The following MUCL1 variants were observed in gnomAD, a reference collection of about 807,000 sequenced individuals.
MUCL1 encodes mucin-like protein 1.
MUCL1 carries 11 observed loss-of-function variants against 9.2 expected under a neutral mutation model. The observed-to-expected ratio is 1.19, with a 90% CI of 0.75 to 1.97. The LOEUF is 1.97. MUCL1 is among the 30% of genes most tolerant of loss of function. The pLI, the probability that MUCL1 is intolerant of heterozygous loss-of-function variation, is 0.00. For missense variants in MUCL1, 144 were observed against 110.9 expected, an observed-to-expected ratio of 1.30 and a Z score of -1.34; for synonymous variants, 48 against 40.5, an observed-to-expected ratio of 1.19 and a Z score of -0.71.
At chr12:54,839,895 A>G (rs754478647) in intron 1 of MUCL1, among the ~76,000 whole-genome samples, 15 of 152,128 alleles carry the variant, frequency 9.9e-5, no homozygotes, top group Non-Finnish European at 1.3e-4. Flanking sequence ...GGAGCTGCAG[A>G]CTTTCTGTGC....
At chr12:54,835,133 C>G (rs1474441343), upstream of MUCL1, among the ~76,000 whole-genome samples, 1 of 152,136 alleles carries the variant, frequency 6.6e-6, no homozygotes, top group Non-Finnish European at 1.5e-5. Context: ...ACATATACCA[C>G]CTTTTCTTTA....
At chr12:54,858,066 T>C in intron 3 of MUCL1, 127 bp from the exon 4 acceptor site, 1 of 1,137,420 alleles carries the variant, frequency 8.8e-7, no homozygotes, top group Non-Finnish European at 1.3e-6. Context: ...AACAATCCCA[T>C]GTTCCTTTCG....
At chr12:54,853,465 C>T (rs979524), upstream of MUCL1, among the ~76,000 whole-genome samples, 6,701 of 152,284 alleles carry the variant, frequency 0.044, 176 homozygotes, top group Middle Eastern at 0.11. Context: ...TGACCATATT[C>T]TACATGCACT....
chr12:54,856,717 A>G (rs1381398582), intron 2 of MUCL1, 53 bp from the exon 3 acceptor site: 2 of 1,558,008 alleles, frequency 1.3e-6, no homozygotes, highest in Admixed American at 3.9e-5. Flanking sequence ...GGTGGGATAA[A>G]TTTTGTTCCA....
intron 1 of MUCL1, 29 bp from the exon 2 acceptor site, chr12:54,855,087 C>T (rs1868289028): frequency 6.2e-7 from 1 of 1,608,416 alleles, no homozygotes; most frequent in African/African-American, 1.3e-5. Flanking sequence ...ATTCAGCTAA[C>T]ATCTTAATTT....
At chr12:54,835,306 C>T (rs1959191118), upstream of MUCL1, among the ~76,000 whole-genome samples, 1 of 152,086 alleles carries the variant, frequency 6.6e-6, no homozygotes. Flanking sequence ...AGTAGATCTA[C>T]TTTTTGTTCT....
In MUCL1 at chr12:54,856,912, T is replaced by C; in HGVS notation, c.223+20T>C. On this transcript the variant is annotated intron_variant, in intron 3 of 3. Coordinates refer to ENST00000308796, the MANE Select transcript of MUCL1 (RefSeq NM_058173.3). ...TTCCAGGTAGCAAGACTCCTCCATCTGTGTGCTTCCTTTATGTGGCTCCTT... is the reference window on the plus strand; with the variant it reads ...TTCCAGGTAGCAAGACTCCTCCATCCGTGTGCTTCCTTTATGTGGCTCCTT... 3 of 1,613,508 alleles carry C rather than the reference T, an allele frequency of 1.9e-6. No homozygotes were observed. The highest frequency in any genetic ancestry group is 2.5e-6 in the Non-Finnish European group (3 of 1,179,696).
At chr12:54,839,360 C>T, upstream of MUCL1, 1 of 701,202 alleles carries the variant, frequency 1.4e-6, no homozygotes, top group South Asian at 1.5e-5. Context: ...TTTTCTCCCT[C>T]AGTATTTTAT....
intron 1 of MUCL1, among the ~76,000 whole-genome samples, chr12:54,833,906 G>A (rs970440896): frequency 1.3e-5 from 2 of 151,902 alleles, no homozygotes; most frequent in African/African-American, 2.4e-5. Context: ...CACCAACATG[G>A]CACATGTATA....
intron 1 of MUCL1, among the ~76,000 whole-genome samples, chr12:54,845,321 T>G (rs1959239463): frequency 6.6e-6 from 1 of 152,120 alleles, no homozygotes; most frequent in Non-Finnish European, 1.5e-5. Flanking sequence ...TTATAGTGAG[T>G]TGACTGGCAA....
intron 1 of MUCL1, among the ~76,000 whole-genome samples, chr12:54,845,253 T>C (rs1959238916): frequency 6.6e-6 from 1 of 152,200 alleles, no homozygotes; most frequent in Non-Finnish European, 1.5e-5. Flanking sequence ...ATGAGCTCTC[T>C]GCCCAATGCA....
At chr12:54,856,652 C>T (rs1868301595) in intron 2 of MUCL1, 118 bp from the exon 3 acceptor site, 5 of 1,361,278 alleles carry the variant, frequency 3.7e-6, no homozygotes, top group Non-Finnish European at 5.0e-6. Flanking sequence ...TAAGACAGAA[C>T]TGATGACAGA....
chr12:54,846,111 C>T (rs192788081), intron 1 of MUCL1, among the ~76,000 whole-genome samples: 11 of 152,250 alleles, frequency 7.2e-5, no homozygotes, highest in South Asian at 4.1e-4. Flanking sequence ...GTACACTGGG[C>T]GAGAACTTGA....
At chr12:54,857,231 AGTGTGT>A (rs34504933) in intron 3 of MUCL1, among the ~76,000 whole-genome samples, 2,628 of 142,544 alleles carry the variant, frequency 0.018, 68 homozygotes, top group African/African-American at 0.062. Context: ...TAAATCAGGT[AGTGTGT>A]GTGTGTGTGT....
At chr12:54,854,942 T>G (rs1210779905) in intron 1 of MUCL1, among the ~76,000 whole-genome samples, 174 bp from the exon 2 acceptor site, 1 of 152,194 alleles carries the variant, frequency 6.6e-6, no homozygotes, top group Non-Finnish European at 1.5e-5. Context: ...TATTAGGTTT[T>G]TATTGGTTTT....
chr12:54,835,803 T>A (rs1959192303), upstream of MUCL1, among the ~76,000 whole-genome samples: 2 of 152,160 alleles, frequency 1.3e-5, no homozygotes, highest in African/African-American at 4.8e-5. Flanking sequence ...ATGGATTTGA[T>A]TGAATGCTTT....
chr12:54,834,077 A>T (rs73120703), intron 1 of MUCL1, among the ~76,000 whole-genome samples: 3 of 152,248 alleles, frequency 2.0e-5, no homozygotes, highest in Non-Finnish European at 2.9e-5. Flanking sequence ...TTTTATATTC[A>T]TTGTAGTTTA....
At chr12:54,855,481 A>G (rs2135946761) in intron 2 of MUCL1, 1 of 302,656 alleles carries the variant, frequency 3.3e-6, no homozygotes, top group East Asian at 6.8e-5. Context: ...CCTCTAATAA[A>G]TGGAAGGACT....
rs747546484 is a variant in MUCL1 at position 54,854,589 on chromosome 12, T to A, written c.7T>A (p.Phe3Ile). The A allele has an allele frequency of 2.5e-5, 41 of 1,613,264 alleles. No individual in the cohort carries two copies. In the South Asian group the frequency reaches 4.2e-4, roughly 16 times the overall value. MK[F>I]LAVLVLLGVS... is the part of the protein sequence containing the mutation. ...TGATCTTCAGGTCACCACCATGAAGTTCTTAGCAGTCCTGGTACTCTTGGG... is the reference window on the plus strand; with the variant it reads ...TGATCTTCAGGTCACCACCATGAAGATCTTAGCAGTCCTGGTACTCTTGGG... Residue 3 changes from phenylalanine to isoleucine, a missense_variant, in exon 1 of 4, where the codon TTC becomes ATC. Physicochemically the swap from Phe to Ile is conservative, Grantham distance 21. Transcript: ENST00000308796.
Sources: allele counts gnomAD v4.1 joint callset (sites outside exome capture counted in the v4.1 genomes callset), GRCh38; gene constraint gnomAD v4.1.1; transcripts MANE v1.5; gene names NCBI Gene and HGNC (gene_info 2026-07-23, HGNC 2026-07-21).